The following PRRC2A variants were observed in gnomAD, a reference collection of about 807,000 sequenced individuals.
The protein encoded by PRRC2A is proline rich coiled-coil 2A, also known as protein PRRC2A.
In PRRC2A, 59 loss-of-function variants were observed where a neutral mutation model predicts 224.6. That is an observed-to-expected ratio of 0.26 (90% CI 0.21 to 0.33). The LOEUF (loss-of-function observed/expected upper bound fraction) is 0.33, where lower values mean the gene tolerates loss of function less well. PRRC2A is among the 10% of genes least tolerant of loss of function. The pLI, the probability that PRRC2A is intolerant of heterozygous loss-of-function variation, is 1.00. For synonymous variants in PRRC2A, 1,194 were observed against 1,109.5 expected (o/e 1.08, Z -1.51); for missense variants, 3,095 against 2,880.7 (o/e 1.07, Z -1.70).
At chr6:31,630,900 G>A in intron 15 of PRRC2A, 99 bp downstream of exon 15, 2 of 1,441,654 alleles carry the variant, frequency 1.4e-6, no homozygotes, top group South Asian at 1.3e-5. Flanking sequence ...GGATGAACGG[G>A]AAAGGAGAGG....
Position 31,631,755 on chromosome 6 carries a change from C to G in PRRC2A, c.3082C>G (p.Arg1028Gly). 6.5e-7 allele frequency: 1 copy of G among 1,541,402 alleles called. No homozygotes were observed. The highest frequency in any genetic ancestry group is 8.8e-7 in the Non-Finnish European group (1 of 1,142,376). ...TCCTACCTCTTGCCGGGGTCGGGGCCGAGGCGAGTATTTTGCCAGAGGGAG... is the reference window on the plus strand; with the variant it reads ...TCCTACCTCTTGCCGGGGTCGGGGCGGAGGCGAGTATTTTGCCAGAGGGAG... Reference protein sequence around the residue: ...VGPTSCRGRGRGEYFARGRGF... With the variant: ...VGPTSCRGRGGGEYFARGRGF... The change falls in exon 16 of 31, where the codon CGA becomes GGA. Residue 1028 changes from arginine (R) to glycine (G), a missense_variant. Around this residue, in one of 8 missense-constraint regions of PRRC2A, gnomAD observed 2,001 missense variants for 1,764.9 expected, o/e 1.13. Transcript: ENST00000376033. The surrounding 1 kb of genome is among the most constrained non-coding windows in gnomAD (Gnocchi z 4.5).
intron 1 of PRRC2A, among the ~76,000 whole-genome samples, chr6:31,621,631 A>G (rs757114820): frequency 2.6e-4 from 39 of 152,156 alleles, no homozygotes; most frequent in South Asian, 6.2e-4. Flanking sequence ...GGCCTCCTCA[A>G]ACACCTACGA....
rs1775155945 is a variant in PRRC2A at position 31,620,773 on chromosome 6, T to TCCGCCGCCATCCTCCCCCGCC, written c.-183_-163dup. ...ACGGGAGGAGCCGAACCCGGCGCCA[T>TCCGCCGCCATCCTCCCCCGCC]CCGCCGCCATCCTCCCCCGCCCCAC... On this transcript the variant is annotated 5_prime_UTR_variant, in exon 1 of 31. Transcript: ENST00000376033. 1 of 151,700 alleles carries TCCGCCGCCATCCTCCCCCGCC rather than the reference T, an allele frequency of 6.6e-6. No individual in the cohort carries two copies. The highest frequency in any genetic ancestry group is 2.4e-5 in the African/African-American group (1 of 41,214). 9.4% of individuals were successfully genotyped at this position (151,700 alleles called of 1,614,324 possible).
Position 31,625,325 on chromosome 6 carries a change from GCCTTTTGGCCAAGACATTA to G in PRRC2A, c.607+15_607+33del. 1 of 1,614,036 alleles carries G rather than the reference GCCTTTTGGCCAAGACATTA, an allele frequency of 6.2e-7. No individual in the cohort carries two copies. On this transcript the variant is annotated intron_variant, in intron 6 of 30. Coordinates refer to ENST00000376033, the MANE Select transcript of PRRC2A (RefSeq NM_004638.4). This position sits in a 1 kb window ranked among gnomAD's most constrained non-coding sequence, Gnocchi z 4.1. Reference sequence around the variant, plus strand: ...GCCTCCGCCCCCAAAGTGAGTGGCTGCCTTTTGGCCAAGACATTACCTATTGCATCTCAGAGCTAGGTGC... The same window carrying G: ...GCCTCCGCCCCCAAAGTGAGTGGCTGCCTATTGCATCTCAGAGCTAGGTGC...
chr6:31,633,543 G>T lies in PRRC2A; in HGVS notation c.4484G>T (p.Gly1495Val). Residue 1495 changes from glycine (G) to valine (V), a missense_variant, in exon 17 of 31, where the codon GGT becomes GTT. Gly to Val is a moderately radical substitution (Grantham distance 109, BLOSUM62 -3). Around this residue, in one of 8 missense-constraint regions of PRRC2A, gnomAD observed 2,001 missense variants for 1,764.9 expected, o/e 1.13. Transcript: ENST00000376033. ...SRQGSVTAPG[G>V]HPRHKPGLPQ... is the part of the protein sequence containing the mutation. ...CAAGGGAGTGTAACTGCACCAGGGG[G>T]TCATCCAAGGCACAAGCCTGGGCTT... 2 of 1,613,012 alleles carry T rather than the reference G, an allele frequency of 1.2e-6. No individual in the cohort carries two copies. The highest frequency in any genetic ancestry group is 1.7e-6 in the Non-Finnish European group (2 of 1,179,958).
rs1268848931 is a variant in PRRC2A at position 31,636,283 on chromosome 6, A to G, written c.5699A>G (p.Gln1900Arg). ...ALLSGLALKG[Q>R]FLDFSTMQAT... ...CTCTCTGGGTTAGCTCTCAAGGGCC[A>G]GTTTCTGGATTTCTCCACAATGCAA... The change falls in exon 26 of 31, where the codon CAG becomes CGG. Residue 1900 changes from glutamine to arginine, a missense_variant. By Grantham distance (43) the Gln-to-Arg change is conservative. Transcript: ENST00000376033. This position sits in a 1 kb window ranked among gnomAD's most constrained non-coding sequence, Gnocchi z 4.3. 3 of 1,612,916 alleles carry G rather than the reference A, an allele frequency of 1.9e-6. No homozygotes were observed. The highest frequency in any genetic ancestry group is 1.1e-5 in the South Asian group (1 of 91,074).
Position 31,635,670 on chromosome 6 carries a change from G to A in PRRC2A, c.5462G>A (p.Cys1821Tyr). The change falls in exon 24 of 31, where the codon TGT becomes TAT. Residue 1821 changes from cysteine to tyrosine, a missense_variant. Coordinates refer to ENST00000376033, the MANE Select transcript of PRRC2A (RefSeq NM_004638.4). ...TCCAAGAACCTGGATTCTGGGCACT[G>A]TGTCCCGGAGCCCAGCTCCTCAGGC... Reference protein sequence around the residue: ...PQSKNLDSGHCVPEPSSSGQR... With the variant: ...PQSKNLDSGHYVPEPSSSGQR... 6.2e-7 allele frequency: 1 copy of A among 1,612,900 alleles called. No individual in the cohort carries two copies. Among genetic ancestry groups the A allele is most frequent in the Non-Finnish European group, 8.5e-7 (1 of 1,179,936 alleles).
At position 31,625,854 on chromosome 6, in the gene PRRC2A, C is replaced by T. The variant is rs373606490; in HGVS notation, c.822C>T (p.Pro274=). Reference sequence around the variant, plus strand: ...GACCCCAGGGGCCTTACCGATACCCCACTCCTGATGGGCCCAGGTGAGCAA... The same window carrying T: ...GACCCCAGGGGCCTTACCGATACCCTACTCCTGATGGGCCCAGGTGAGCAA... The part of the protein sequence containing the change: ...PYGPQGPYRY[P]TPDGPSRFPR... Residue 274 remains proline (P), a synonymous_variant, in exon 8 of 31, where the codon CCC becomes CCT. Coordinates refer to ENST00000376033, the MANE Select transcript of PRRC2A (RefSeq NM_004638.4). This position sits in a 1 kb window ranked among gnomAD's most constrained non-coding sequence, Gnocchi z 4.1. The T allele has an allele frequency of 6.3e-7, 1 of 1,589,116 alleles. No homozygotes were observed. The highest frequency in any genetic ancestry group is 8.6e-7 in the Non-Finnish European group (1 of 1,158,464).
rs1776019808 is a variant in PRRC2A at position 31,627,265 on chromosome 6, AGCGGTT to A, written c.1290+69_1290+74del. On this transcript the variant is annotated intron_variant, in intron 11 of 30. Transcript: ENST00000376033. The surrounding 1 kb of genome is among the most constrained non-coding windows in gnomAD (Gnocchi z 5.6). ...AAATTGGTGTCAGCTGAGTAATTGA[AGCGGTT>A]GTGATATAGAGGAAGGGGGGTGCTA... is the stretch of plus-strand genomic sequence containing the variant. The A allele has an allele frequency of 8.3e-7, 1 of 1,201,860 alleles. No homozygotes were observed. The highest frequency in any genetic ancestry group is 1.2e-6 in the Non-Finnish European group (1 of 841,136). 74.4% of individuals were successfully genotyped at this position (1,201,860 alleles called of 1,614,324 possible). A position where few individuals can be genotyped will look rare whatever the true frequency, so the allele number is the denominator to read the frequency against.
intron 3 of PRRC2A, 130 bp from the exon 4 acceptor site, chr6:31,624,131 G>T: frequency 8.7e-7 from 1 of 1,150,086 alleles, no homozygotes; most frequent in South Asian, 1.5e-5. Flanking sequence ...TACAAAGGAT[G>T]ACAAAATTAA....
Position 31,636,926 on chromosome 6 carries a change from C to A in PRRC2A, c.6128C>A (p.Ala2043Asp). Residue 2043 changes from alanine (A) to aspartate (D), a missense_variant, in exon 28 of 31, where the codon GCT becomes GAT. This residue lies in a region of PRRC2A where 662 missense variants were observed against 609.5 expected (regional missense o/e 1.09). Transcript: ENST00000376033. The surrounding 1 kb of genome is among the most constrained non-coding windows in gnomAD (Gnocchi z 4.3). ...CCTTCACCTGCCAGGCCCTTCCCCG[C>A]TAGCTTGGGGCGAGCAGAGGTAAGG... The part of the protein sequence containing the change: ...VLPSPARPFP[A>D]SLGRAELHPV... The A allele has an allele frequency of 6.2e-7, 1 of 1,612,954 alleles. No individual in the cohort carries two copies. Among genetic ancestry groups the A allele is most frequent in the African/African-American group, 1.3e-5 (1 of 75,056 alleles).
At chr6:31,620,927 C>CGGTGGT in intron 1 of PRRC2A, 69 bp downstream of exon 1, 1 of 155,238 alleles carries the variant, frequency 6.4e-6, no homozygotes, top group Non-Finnish European at 1.4e-5. Flanking sequence ...GTGGCGGTGG[C>CGGTGGT]GGCGGCGGCG....
Position 31,637,074 on chromosome 6 carries a change from T to C in PRRC2A, c.6180T>C (p.Asp2060=), listed in dbSNP as rs1777455319. 6.2e-7 allele frequency: 1 copy of C among 1,609,210 alleles called. No individual in the cohort carries two copies. The highest frequency in any genetic ancestry group is 1.1e-5 in the South Asian group (1 of 90,558). Residue 2060 remains aspartate (D), a synonymous_variant, in exon 29 of 31, where the codon GAT becomes GAC. Coordinates refer to ENST00000376033, the MANE Select transcript of PRRC2A (RefSeq NM_004638.4). ...LHPVELKPFQ[D]YQKLSSNLGG... Reference sequence around the variant, plus strand: ...CAGTGGAACTAAAGCCGTTCCAGGATTATCAAAAACTGAGCAGCAACCTTG... The same window carrying C: ...CAGTGGAACTAAAGCCGTTCCAGGACTATCAAAAACTGAGCAGCAACCTTG...
rs781377731 is a variant in PRRC2A at position 31,623,834 on chromosome 6, A to C, written c.215A>C (p.Asn72Thr). Residue 72 changes from asparagine (N) to threonine (T), a missense_variant, in exon 3 of 31, where the codon AAT (asparagine) becomes ACT (threonine). Asn to Thr is a moderately conservative substitution (Grantham distance 65). Around this residue, in one of 8 missense-constraint regions of PRRC2A, gnomAD observed 52 missense variants for 77.9 expected, o/e 0.67. Transcript: ENST00000376033. ...AGCCTGAAAGCCGAGAACAAAGGCA[A>C]TGACCCCAATGTCTCACTAGTGCCA... is the stretch of plus-strand genomic sequence containing the variant. ...LPSLKAENKG[N>T]DPNVSLVPKD... The C allele has an allele frequency of 6.2e-7, 1 of 1,614,214 alleles. No individual in the cohort carries two copies. Among genetic ancestry groups the C allele is most frequent in the East Asian group, 2.2e-5 (1 of 44,884 alleles).
chr6:31,631,402 G>A lies in PRRC2A; in HGVS notation c.2729G>A (p.Gly910Asp). ...RKPARGVGSG[G>D]QGPPPPRRES... ...CCTGCCCGCGGAGTCGGGAGTGGAGGCCAGGGCCCCCCACCACCACGCAGA... is the reference window on the plus strand; with the variant it reads ...CCTGCCCGCGGAGTCGGGAGTGGAGACCAGGGCCCCCCACCACCACGCAGA... The change falls in exon 16 of 31, where the codon GGC becomes GAC. Residue 910 changes from glycine (G) to aspartate (D), a missense_variant. Gly to Asp is a moderately conservative substitution (Grantham distance 94). Around this residue, in one of 8 missense-constraint regions of PRRC2A, gnomAD observed 2,001 missense variants for 1,764.9 expected, o/e 1.13. Transcript: ENST00000376033. The surrounding 1 kb of genome is among the most constrained non-coding windows in gnomAD (Gnocchi z 4.5). 6.2e-7 allele frequency: 1 copy of A among 1,608,892 alleles called. No individual in the cohort carries two copies. The highest frequency in any genetic ancestry group is 8.5e-7 in the Non-Finnish European group (1 of 1,178,514).
In PRRC2A at chr6:31,623,754, G is replaced by C. The variant is rs1335369816; in HGVS notation, c.135G>C (p.Gln45His). 1.9e-6 allele frequency: 3 copies of C among 1,614,236 alleles called. No individual in the cohort carries two copies. The highest frequency in any genetic ancestry group is 2.5e-6 in the Non-Finnish European group (3 of 1,180,022). ...CAGTTGCCCCTCGCCATGGCCTGCA[G>C]AGTCTCGGGAAAGTTGCCATTGCCC... is the stretch of plus-strand genomic sequence containing the variant. ...KPAVAPRHGL[Q>H]SLGKVAIARR... Residue 45 changes from glutamine to histidine, a missense_variant, in exon 3 of 31, where the codon CAG becomes CAC. This residue lies in a region of PRRC2A where 64 missense variants were observed against 68.2 expected (regional missense o/e 0.94). Coordinates refer to ENST00000376033, the MANE Select transcript of PRRC2A (RefSeq NM_004638.4).
At position 31,636,330 on chromosome 6, in the gene PRRC2A, C is replaced by G. The variant is rs779505478; in HGVS notation, c.5746C>G (p.Pro1916Ala). 1 of 1,613,034 alleles carries G rather than the reference C, an allele frequency of 6.2e-7. No homozygotes were observed. The highest frequency in any genetic ancestry group is 1.1e-5 in the South Asian group (1 of 91,084). ...GCAAGCTACAGAGCTGGGGAAGTTG[C>G]CGGCTGGAGGAGTTCTCTACCCTCC... ...TMQATELGKLPAGGVLYPPPS... is the reference protein window; with the variant it reads ...TMQATELGKLAAGGVLYPPPS... Residue 1916 changes from proline to alanine, a missense_variant, in exon 26 of 31, where the codon CCG (proline) becomes GCG (alanine). This residue lies in a region of PRRC2A where 662 missense variants were observed against 609.5 expected (regional missense o/e 1.09). Transcript: ENST00000376033. This position sits in a 1 kb window ranked among gnomAD's most constrained non-coding sequence, Gnocchi z 4.3.
chr6:31,629,536 C>T lies in PRRC2A; in HGVS notation c.1957-12C>T, dbSNP rs761463074. On this transcript the variant is annotated splice_polypyrimidine_tract_variant and intron_variant, in intron 13 of 30. Transcript: ENST00000376033. ...TTGAGCCTCTCTCATCTTGTCTTTC[C>T]TCCTTTCCTAGGAGCAGCTCCTGAA... 9.9e-6 allele frequency: 15 copies of T among 1,520,264 alleles called. No individual in the cohort carries two copies. The Admixed American group carries it at 1.7e-4, about 17-fold the overall frequency. 94.2% of individuals were successfully genotyped at this position (1,520,264 alleles called of 1,614,324 possible).
Position 31,635,679 on chromosome 6 carries a change from A to G in PRRC2A, c.5471A>G (p.Glu1824Gly). 1.2e-6 allele frequency: 2 copies of G among 1,612,798 alleles called. No individual in the cohort carries two copies. The highest frequency in any genetic ancestry group is 1.7e-6 in the Non-Finnish European group (2 of 1,179,896). Residue 1824 changes from glutamate (E) to glycine (G), a missense_variant, in exon 24 of 31, where the codon GAG (glutamate) becomes GGG (glycine). Physicochemically the swap from Glu to Gly is moderately conservative, Grantham distance 98 (BLOSUM62 -2). Around this residue, in one of 8 missense-constraint regions of PRRC2A, gnomAD observed 662 missense variants for 609.5 expected, o/e 1.09. Transcript: ENST00000376033. ...KNLDSGHCVP[E>G]PSSSGQRLYP... Reference sequence around the variant, plus strand: ...CTGGATTCTGGGCACTGTGTCCCGGAGCCCAGCTCCTCAGGCCAGCGCCTG... The same window carrying G: ...CTGGATTCTGGGCACTGTGTCCCGGGGCCCAGCTCCTCAGGCCAGCGCCTG...
Sources: allele counts gnomAD v4.1 joint callset (sites outside exome capture counted in the v4.1 genomes callset), GRCh38; gene constraint gnomAD v4.1.1; regional missense constraint gnomAD v4.1.1; non-coding constraint Gnocchi (gnomAD v3.1); transcripts MANE v1.5; gene names NCBI Gene and HGNC (gene_info 2026-07-23, HGNC 2026-07-21).